The following UNC5CL variants were observed in gnomAD, a reference collection of about 807,000 sequenced individuals.
UNC5CL encodes unc-5 family C-terminal like, also known as UNC5C-like protein.
A neutral mutation model predicts 54.1 loss-of-function variants in UNC5CL; 42 were observed. The observed-to-expected ratio is 0.78, with a 90% CI of 0.61 to 1.00. The LOEUF (loss-of-function observed/expected upper bound fraction) is 1.00. UNC5CL is among the 50% of genes least tolerant of loss of function. The pLI, the probability that UNC5CL is intolerant of heterozygous loss-of-function variation, is 0.00. For missense variants in UNC5CL, 619 were observed against 675.6 expected (o/e 0.92, Z 0.93); for synonymous variants, 285 against 285.1 (o/e 1.00, Z 0.00).
intron 3 of UNC5CL, 82 bp from the exon 4 acceptor site, chr6:41,033,228 G>C: frequency 1.3e-6 from 2 of 1,507,174 alleles, no homozygotes; most frequent in Non-Finnish European, 1.8e-6. Flanking sequence ...CCTGCCACCT[G>C]AGGGGCCTCT....
intron 1 of UNC5CL, among the ~76,000 whole-genome samples, chr6:41,037,696 C>A (rs558861118): frequency 6.6e-6 from 1 of 152,316 alleles, no homozygotes; most frequent in East Asian, 1.9e-4. Context: ...ACCCAGCAGA[C>A]AATGCACCAG....
rs1447642705 is a variant in UNC5CL at position 41,029,905 on chromosome 6, G to GA, written c.1334+482dup. ...GGTCCAGCTCTAGCCCCATCACCAG[G>GA]ATAAAGTCTTCCCTGACCGCTGCAC... On this transcript the variant is annotated intron_variant, in intron 8 of 8. Transcript: ENST00000244565. This position sits in a 1 kb window ranked among gnomAD's most constrained non-coding sequence, Gnocchi z 4.1. Among the ~76,000 whole-genome samples the GA allele has an allele frequency of 8.5e-5, 13 of 152,274 alleles. No homozygotes were observed. In the East Asian group the frequency reaches 1.7e-3, roughly 20 times the overall value.
At position 41,029,376 on chromosome 6, in the gene UNC5CL, A is replaced by G. The variant is rs1256349736; in HGVS notation, c.1335-781T>C. Among the ~76,000 whole-genome samples the G allele has an allele frequency of 1.3e-5, 2 of 152,152 alleles. No homozygotes were observed. Among genetic ancestry groups the G allele is most frequent in the African/African-American group, 4.8e-5 (2 of 41,430 alleles). ...TCAGACTTCTGGTCATAACGCCCGC[A>G]GTTCATTATTATTCTTGCTTCAGCT... On this transcript the variant is annotated intron_variant, in intron 8 of 8. Coordinates refer to ENST00000244565, the MANE Select transcript of UNC5CL (RefSeq NM_173561.3). The surrounding 1 kb of genome is among the most constrained non-coding windows in gnomAD (Gnocchi z 4.1).
At chr6:41,031,891 T>C in intron 5 of UNC5CL, 143 bp from the exon 6 acceptor site, 1 of 1,221,264 alleles carries the variant, frequency 8.2e-7, no homozygotes, top group Non-Finnish European at 1.2e-6. Context: ...TCTGCAAAGA[T>C]CTGTGTGGCT....
Position 41,033,270 on chromosome 6 carries a change from C to T in UNC5CL, c.687-124G>A, listed in dbSNP as rs983305688. ...CCTTCAAGGAGGTTCAGAGAACACT[C>T]GAGGGGAGCACTTAGGGAGGAACTG... On this transcript the variant is annotated intron_variant, in intron 3 of 8. Coordinates refer to ENST00000244565, the MANE Select transcript of UNC5CL (RefSeq NM_173561.3). The T allele has an allele frequency of 1.6e-5, 19 of 1,221,076 alleles. No individual in the cohort carries two copies. In the African/African-American group the frequency reaches 2.1e-4, roughly 14 times the overall value. 75.6% of individuals were successfully genotyped at this position (1,221,076 alleles called of 1,614,324 possible).
At chr6:41,030,843 GTC>G (rs1762446811) in intron 6 of UNC5CL, 88 bp from the exon 7 acceptor site, 1 of 1,200,566 alleles carries the variant, frequency 8.3e-7, no homozygotes, top group East Asian at 2.4e-5. Context: ...CATTCCTCAT[GTC>G]TCTCCTTCAG....
At chr6:41,033,169 G>A (rs1364294260) in intron 3 of UNC5CL, 23 bp from the exon 4 acceptor site, 2 of 1,605,616 alleles carry the variant, frequency 1.2e-6, no homozygotes, top group Admixed American at 3.4e-5. Context: ...CCAGTGGCAG[G>A]CACTAATGTG....
chr6:41,028,992 CACA>C lies in UNC5CL; in HGVS notation c.1335-400_1335-398del, dbSNP rs1396280938. Among the ~76,000 whole-genome samples, 1 of 151,798 alleles carries C rather than the reference CACA, an allele frequency of 6.6e-6. No homozygotes were observed. The highest frequency in any genetic ancestry group is 1.5e-5 in the Non-Finnish European group (1 of 67,946). On this transcript the variant is annotated intron_variant, in intron 8 of 8. Coordinates refer to ENST00000244565, the MANE Select transcript of UNC5CL (RefSeq NM_173561.3). This position sits in a 1 kb window ranked among gnomAD's most constrained non-coding sequence, Gnocchi z 4.3. ...CCTCCTTCCTCCCTCTCTCCTAGGC[CACA>C]ACATCCTGCTCACTACTAAGGAAAC...
intron 6 of UNC5CL, 40 bp from the exon 7 acceptor site, chr6:41,030,795 A>G: frequency 6.3e-7 from 1 of 1,584,510 alleles, no homozygotes; most frequent in Non-Finnish European, 8.7e-7. Context: ...TAGGGGTCAC[A>G]AGCCATCCCC....
intron 5 of UNC5CL, 55 bp from the exon 6 acceptor site, chr6:41,031,803 G>C: frequency 1.3e-6 from 2 of 1,579,908 alleles, no homozygotes; most frequent in Middle Eastern, 1.7e-4. Context: ...CCTGGGGTAA[G>C]AGCAGGAGAA....
chr6:41,038,050 C>T (rs1173268797), intron 1 of UNC5CL, among the ~76,000 whole-genome samples: 2 of 152,202 alleles, frequency 1.3e-5, no homozygotes, highest in Non-Finnish European at 2.9e-5. Flanking sequence ...TACTAAACAA[C>T]TGAAGACAGG....
Position 41,028,380 on chromosome 6 carries a change from TTCTCG to T in UNC5CL, c.1545_1549del (p.Asp515GlufsTer14). On this transcript the variant is annotated frameshift_variant, in exon 9 of 9. Transcript: ENST00000244565. LOFTEE classifies it high-confidence loss of function. This position sits in a 1 kb window ranked among gnomAD's most constrained non-coding sequence, Gnocchi z 4.3. The stretch of plus-strand genomic sequence containing the variant: ...GCCCTGCCCGCTGGGCGCTCAGAGC[TTCTCG>T]TCCAGCTCCAGGCCCTGGTTATCCC... 6.3e-7 allele frequency: 1 copy of T among 1,582,950 alleles called. No homozygotes were observed. Among genetic ancestry groups the T allele is most frequent in the Non-Finnish European group, 8.6e-7 (1 of 1,164,804 alleles).
At chr6:41,030,533 A>C in intron 7 of UNC5CL, 32 bp from the exon 8 acceptor site, 1 of 1,613,526 alleles carries the variant, frequency 6.2e-7, no homozygotes, top group Non-Finnish European at 8.5e-7. Flanking sequence ...TCTTGGAAGA[A>C]AGGGACAAAC....
At position 41,032,910 on chromosome 6, in the gene UNC5CL, C is replaced by T. The variant is rs1762472140; in HGVS notation, c.923G>A (p.Cys308Tyr). The change falls in exon 4 of 9, where the codon TGC (cysteine) becomes TAC (tyrosine). Residue 308 changes from cysteine (C) to tyrosine (Y), a missense_variant. Coordinates refer to ENST00000244565, the MANE Select transcript of UNC5CL (RefSeq NM_173561.3). ...CTCTGAGATGTACGTGAGCTTCAGGCACTGGTCGCCCCTAGCCCCATTGAA... is the reference window on the plus strand; with the variant it reads ...CTCTGAGATGTACGTGAGCTTCAGGTACTGGTCGCCCCTAGCCCCATTGAA... ...FDFNGARGDQCLKLTYISEGW... is the reference protein window; with the variant it reads ...FDFNGARGDQYLKLTYISEGW... 4 of 1,604,996 alleles carry T rather than the reference C, an allele frequency of 2.5e-6. No homozygotes were observed. The highest frequency in any genetic ancestry group is 2.2e-5 in the East Asian group (1 of 44,676).
At chr6:41,033,686 A>G (rs1762482810) in intron 3 of UNC5CL, 195 bp downstream of exon 3, 1 of 629,166 alleles carries the variant, frequency 1.6e-6, no homozygotes, top group Non-Finnish European at 2.7e-6. Flanking sequence ...ATTTGCAGTC[A>G]TGGACATGAT....
rs565836218 is a variant in UNC5CL at position 41,033,036 on chromosome 6, C to G, written c.797G>C (p.Arg266Pro). 3.7e-6 allele frequency: 6 copies of G among 1,610,924 alleles called. No homozygotes were observed. The highest frequency in any genetic ancestry group is 5.1e-6 in the Non-Finnish European group (6 of 1,178,616). ...LVPGQSHLQL[R>P]IYFLNNTPCA... ...GGGCGTGTTGTTGAGGAAGTAGATA[C>G]GCAGTTGCAGATGGGACTGTCCTGG... Residue 266 changes from arginine to proline, a missense_variant, in exon 4 of 9, where the codon CGT becomes CCT. Coordinates refer to ENST00000244565, the MANE Select transcript of UNC5CL (RefSeq NM_173561.3).
intron 4 of UNC5CL, among the ~76,000 whole-genome samples, chr6:41,032,408 A>G (rs1456433490): frequency 6.6e-6 from 1 of 152,210 alleles, no homozygotes; most frequent in East Asian, 1.9e-4. Flanking sequence ...CTCAGTAGAC[A>G]GCAGAGTGGT....
In UNC5CL at chr6:41,035,152, GGTCA is replaced by G. The variant is rs1762509634; in HGVS notation, c.-61-21_-61-18del. 169 of 1,497,232 alleles carry G rather than the reference GGTCA, an allele frequency of 1.1e-4. 2 individuals carry two copies. In the South Asian group the frequency reaches 2.2e-3, roughly 19 times the overall value. 92.7% of individuals were successfully genotyped at this position (1,497,232 alleles called of 1,614,324 possible). A position where few individuals can be genotyped will look rare whatever the true frequency, so the allele number is the denominator to read the frequency against. ...GCCAAAGGCCTGGTGGGGAAGAAGG[GGTCA>G]GTGTCAGGGTAAGCCCTTTTAAGTT... On this transcript the variant is annotated intron_variant, in intron 1 of 8. Transcript: ENST00000244565.
chr6:41,037,724 T>A (rs1762540728), intron 1 of UNC5CL, among the ~76,000 whole-genome samples: 1 of 152,238 alleles, frequency 6.6e-6, no homozygotes, highest in South Asian at 2.1e-4. Flanking sequence ...CAACCAGGCA[T>A]CCTGGAGGGC....
Sources: gnomAD v4.1 joint callset for allele counts (sites outside exome capture counted in the v4.1 genomes callset) on GRCh38, gnomAD v4.1.1 for gene constraint, Gnocchi (gnomAD v3.1) non-coding constraint, MANE v1.5 for transcripts, NCBI Gene and HGNC (gene_info 2026-07-23, HGNC 2026-07-21) for gene names.